Variants in POLG2 observed in about 807,000 individuals in gnomAD.
POLG2 encodes DNA polymerase gamma 2, accessory subunit.
A neutral mutation model predicts 56.5 loss-of-function variants in POLG2; 50 were observed. The observed-to-expected ratio is 0.88, with a 90% CI of 0.71 to 1.12. The LOEUF is 1.12. Ranked by LOEUF, POLG2 falls within the 50% of genes most tolerant of loss-of-function variation. The pLI is 0.00. For missense variants in POLG2, 584 were observed against 583.3 expected (o/e 1.00, Z -0.01); for synonymous variants, 226 against 222.6 (o/e 1.02, Z -0.14).
chr17:64,482,589 A>C (rs1340655436), intron 6 of POLG2, among the ~76,000 whole-genome samples: 13 of 152,226 alleles, frequency 8.5e-5, no homozygotes, highest in African/African-American at 3.1e-4. Context: ...AAGTGCTGGG[A>C]TTACAGGCGT....
In POLG2 at chr17:64,492,724, T is replaced by G; in HGVS notation, c.738A>C (p.Arg246Ser). The G allele has an allele frequency of 6.2e-7, 1 of 1,613,596 alleles. No individual in the cohort carries two copies. Among genetic ancestry groups the G allele is most frequent in the Non-Finnish European group, 8.5e-7 (1 of 1,179,776 alleles). ...EASLVWFTPP[R>S]TSNQWLDFWL... ...AGAAATCAAGCCACTGGTTTGAAGT[T>G]CTCGGAGGAGTAAACCATACTAACG... The change falls in exon 3 of 8, where the codon AGA becomes AGC. Residue 246 changes from arginine (R) to serine (S), a missense_variant. By Grantham distance (110) the Arg-to-Ser change is moderately radical (BLOSUM62 -1). Transcript: ENST00000539111.
chr17:64,485,882 CA>C lies in POLG2; in HGVS notation c.970-15del. ...TCCATCTCGGCCCTTCACAGAAAAACAGAAGAAAAATAATCATTTCACAGAA... is the reference window on the plus strand; with the variant it reads ...TCCATCTCGGCCCTTCACAGAAAAACGAAGAAAAATAATCATTTCACAGAA... On this transcript the variant is annotated splice_polypyrimidine_tract_variant and intron_variant, in intron 4 of 7. Coordinates refer to ENST00000539111, the MANE Select transcript of POLG2 (RefSeq NM_007215.4). 6.8e-6 allele frequency: 11 copies of C among 1,613,634 alleles called. No homozygotes were observed. The highest frequency in any genetic ancestry group is 9.3e-6 in the Non-Finnish European group (11 of 1,179,604).
At chr17:64,486,016 A>T (rs2037946082) in intron 4 of POLG2, 148 bp from the exon 5 acceptor site, 2 of 715,632 alleles carry the variant, frequency 2.8e-6, no homozygotes, top group Admixed American at 2.1e-5. Context: ...TCCCAGGTTC[A>T]AGTGATTCTC....
At chr17:64,491,395 G>C (rs782359377) in intron 3 of POLG2, 1 of 626,934 alleles carries the variant, frequency 1.6e-6, no homozygotes, top group Non-Finnish European at 2.7e-6. Context: ...AGGACTTCGA[G>C]ACCAGCCTGG....
intron 1 of POLG2, among the ~76,000 whole-genome samples, chr17:64,495,369 C>G (rs2038133981): frequency 6.6e-6 from 1 of 152,046 alleles, no homozygotes; most frequent in Admixed American, 6.6e-5. Flanking sequence ...TGCTTAAGCT[C>G]AGGAGTTCAA....
At chr17:64,494,149 C>T in intron 1 of POLG2, among the ~76,000 whole-genome samples, 1 of 152,128 alleles carries the variant, frequency 6.6e-6, no homozygotes, top group African/African-American at 2.4e-5. Context: ...GCCTCCTTTC[C>T]CCCTTAATTT....
intron 4 of POLG2, among the ~76,000 whole-genome samples, chr17:64,486,206 GT>G (rs1555667446): frequency 5.9e-5 from 9 of 152,296 alleles, no homozygotes; most frequent in African/African-American, 2.2e-4. Context: ...AGGCCCAAAT[GT>G]GAATTTTAAA....
intron 4 of POLG2, among the ~76,000 whole-genome samples, chr17:64,489,412 G>A (rs2038017778): frequency 1.3e-5 from 2 of 150,518 alleles, no homozygotes; most frequent in Non-Finnish European, 2.9e-5. Flanking sequence ...AAACCTCATC[G>A]TAGTAACTGA....
At position 64,496,780 on chromosome 17, in the gene POLG2, T is replaced by C; in HGVS notation, c.189A>G (p.Gly63=). 1 of 1,613,612 alleles carries C rather than the reference T, an allele frequency of 6.2e-7. No homozygotes were observed. Among genetic ancestry groups the C allele is most frequent in the Non-Finnish European group, 8.5e-7 (1 of 1,179,914 alleles). Residue 63 remains glycine, a synonymous_variant, in exon 1 of 8, where the codon GGA becomes GGG. Transcript: ENST00000539111. ...NGEHPEAPGS[G]EGSEALLEIC... is the part of the protein sequence containing the mutation. ...TCTCTAACAGCGCCTCGCTTCCCTC[T>C]CCAGACCCGGGGGCTTCTGGGTGCT...
chr17:64,483,069 C>T (rs782594180), intron 5 of POLG2, 70 bp from the exon 6 acceptor site: 5 of 786,180 alleles, frequency 6.4e-6, no homozygotes, highest in African/African-American at 1.7e-5. Context: ...AAATATAACA[C>T]AAGTTTAAAT....
intron 1 of POLG2, among the ~76,000 whole-genome samples, chr17:64,494,871 TCTTAGAAA>T (rs1416363936): frequency 3.9e-5 from 6 of 152,188 alleles, no homozygotes; most frequent in African/African-American, 1.4e-4. Context: ...TACTGGTTCA[TCTTAGAAA>T]CCAAGATCTG....
chr17:64,481,764 A>G (rs1490972500), intron 6 of POLG2, among the ~76,000 whole-genome samples: 15 of 152,052 alleles, frequency 9.9e-5, no homozygotes, highest in Admixed American at 9.8e-4. Flanking sequence ...AATCCCATCT[A>G]CTAGGGAGGC....
rs186644137 is a variant in POLG2, at chr17:64,493,516, G to A, written c.563-495C>T. On this transcript the variant is annotated intron_variant, in intron 1 of 7. Coordinates refer to ENST00000539111, the MANE Select transcript of POLG2 (RefSeq NM_007215.4). Reference sequence around the variant, plus strand: ...TCTTTTTTTTTTGAGATGGAGTCTCGCTCTGTCGCCCAGGCTGGAGTGCAG... The same window carrying A: ...TCTTTTTTTTTTGAGATGGAGTCTCACTCTGTCGCCCAGGCTGGAGTGCAG... Among the ~76,000 whole-genome samples, 483 of 151,586 alleles carry A rather than the reference G, an allele frequency of 3.2e-3. 1 individual carries two copies. Among genetic ancestry groups the A allele is most frequent in the African/African-American group, 0.011 (451 of 41,316 alleles).
At chr17:64,494,272 G>C (rs1193454185) in intron 1 of POLG2, among the ~76,000 whole-genome samples, 1 of 152,108 alleles carries the variant, frequency 6.6e-6, no homozygotes, top group Non-Finnish European at 1.5e-5. Flanking sequence ...ATCATTTTTA[G>C]CAAAATACTA....
Position 64,482,522 on chromosome 17 carries a change from A to G in POLG2, c.1191+397T>C, listed in dbSNP as rs568744641. The stretch of plus-strand genomic sequence containing the variant: ...TTTTTAGTAGATGGGGTTTCACCAT[A>G]TTGGCCAGGATGGTCTCGATCTCTT... On this transcript the variant is annotated intron_variant, in intron 6 of 7. Transcript: ENST00000539111. 1.4e-3 allele frequency among the ~76,000 whole-genome samples: 208 copies of G among 152,138 alleles called. 2 individuals are homozygous for G. The highest frequency in any genetic ancestry group is 4.7e-3 in the African/African-American group (197 of 41,510).
chr17:64,496,571 T>A lies in POLG2; in HGVS notation c.398A>T (p.His133Leu). The change falls in exon 1 of 8, where the codon CAC (histidine) becomes CTC (leucine). Residue 133 changes from histidine (H) to leucine (L), a missense_variant. Physicochemically the swap from His to Leu is moderately conservative, Grantham distance 99. Transcript: ENST00000539111. ...CCCGGGTAGCAAAGGGCCTGGTTTG[T>A]GGTGGAGGGCGTCCACCGGGAATAC... ...EQVFPVDALH[H>L]KPGPLLPGDS... The A allele has an allele frequency of 6.2e-7, 1 of 1,613,336 alleles. No individual in the cohort carries two copies.
intron 4 of POLG2, chr17:64,487,544 G>A (rs1555667710): frequency 6.6e-6 from 1 of 151,294 alleles, no homozygotes. Context: ...AACCCAGGAG[G>A]TGGAGGCTGC....
At chr17:64,493,560 T>C (rs1383250549) in intron 1 of POLG2, among the ~76,000 whole-genome samples, 2 of 152,036 alleles carry the variant, frequency 1.3e-5, no homozygotes, top group African/African-American at 4.8e-5. Context: ...TCTCGGCTCA[T>C]TGCAACCTCC....
chr17:64,489,600 A>G (rs1176113924), intron 4 of POLG2, among the ~76,000 whole-genome samples: 1 of 152,034 alleles, frequency 6.6e-6, no homozygotes, highest in Non-Finnish European at 1.5e-5. Context: ...GTCTCTACAA[A>G]TATTAAACCA....
Sources: gnomAD v4.1 joint callset for allele counts (sites outside exome capture counted in the v4.1 genomes callset) on GRCh38, gnomAD v4.1.1 for gene constraint, MANE v1.5 for transcripts, NCBI Gene and HGNC (gene_info 2026-07-23, HGNC 2026-07-21) for gene names.